Variants in NRP1 observed in about 807,000 individuals in gnomAD.
NRP1 encodes neuropilin 1, also known as neuropilin-1.
In NRP1, 35 loss-of-function variants were observed where a neutral mutation model predicts 106.7. That is an observed-to-expected ratio of 0.33 (90% CI 0.25 to 0.43). The LOEUF (loss-of-function observed/expected upper bound fraction) is 0.43, where lower values mean the gene tolerates loss of function less well. Among genes scored for constraint, NRP1 ranks in the 20% least tolerant of loss-of-function variants. The probability of loss-of-function intolerance (pLI) is 1.00; values close to 1 mark genes in which losing one functional copy is unlikely to be tolerated. For missense variants in NRP1, 1,024 were observed against 1,170.4 expected, an observed-to-expected ratio of 0.87 and a Z score of 1.83; for synonymous variants, 437 against 417.9, an observed-to-expected ratio of 1.05 and a Z score of -0.56.
At chr10:33,187,995 G>A (rs1836126050) in intron 13 of NRP1, among the ~76,000 whole-genome samples, 1 of 152,158 alleles carries the variant, frequency 6.6e-6, no homozygotes, top group Non-Finnish European at 1.5e-5. Flanking sequence ...GTTTGATACT[G>A]CAGGATGAAT....
At chr10:33,290,029 T>C (rs145797418) in intron 2 of NRP1, among the ~76,000 whole-genome samples, 140 of 152,324 alleles carry the variant, frequency 9.2e-4, no homozygotes, top group African/African-American at 3.3e-3. Context: ...CTTGGTCTCT[T>C]GCATAGCTTG....
intron 6 of NRP1, among the ~76,000 whole-genome samples, chr10:33,228,519 G>T (rs1475128569): frequency 6.6e-6 from 1 of 152,288 alleles, no homozygotes; most frequent in Admixed American, 6.5e-5. Context: ...GTGCCCATGG[G>T]CCACGAACAC....
rs760298219 is a variant in NRP1 at position 33,180,342 on chromosome 10, C to T, written c.2506G>A (p.Glu836Lys). The T allele has an allele frequency of 1.9e-6, 3 of 1,603,256 alleles. No homozygotes were observed. Among genetic ancestry groups the T allele is most frequent in the African/African-American group, 1.3e-5 (1 of 74,678 alleles). The change falls in exon 17 of 17, where the codon GAA becomes AAA. Residue 836 changes from glutamate to lysine, a missense_variant. By Grantham distance (56) the Glu-to-Lys change is moderately conservative. Coordinates refer to ENST00000374867, the MANE Select transcript of NRP1 (RefSeq NM_003873.7). ...GAGATGTTCTTGTCACCTTCTCCTT[C>T]ACCTTCGTATCCTGGCGTGCTCCCT... ...ETGSTPGYEGEGEGDKNISRK... is the reference protein window; with the variant it reads ...ETGSTPGYEGKGEGDKNISRK...
Position 33,290,087 on chromosome 10 carries a change from C to T in NRP1, c.249-19231G>A, listed in dbSNP as rs116082317. Among the ~76,000 whole-genome samples the T allele has an allele frequency of 5.1e-3, 772 of 152,260 alleles. 10 individuals carry two copies. Among genetic ancestry groups the T allele is most frequent in the African/African-American group, 0.017 (726 of 41,550 alleles). On this transcript the variant is annotated intron_variant, in intron 2 of 16. Transcript: ENST00000374867. ...TTCTTTTATTTCTCCCTTTTAGTATCTAACTTCCATTGAAATGGAATATAA... is the reference window on the plus strand; with the variant it reads ...TTCTTTTATTTCTCCCTTTTAGTATTTAACTTCCATTGAAATGGAATATAA...
At chr10:33,220,596 C>G (rs1839152536) in intron 8 of NRP1, among the ~76,000 whole-genome samples, 1 of 152,014 alleles carries the variant, frequency 6.6e-6, no homozygotes. Flanking sequence ...CATAGTCATG[C>G]AAGAAAACAA....
chr10:33,235,921 T>G (rs1182494480), intron 6 of NRP1, among the ~76,000 whole-genome samples: 1 of 152,244 alleles, frequency 6.6e-6, no homozygotes, highest in East Asian at 1.9e-4. Flanking sequence ...CAATTGCATG[T>G]TAACTTGCAG....
chr10:33,282,721 C>T (rs1429771611), intron 2 of NRP1, among the ~76,000 whole-genome samples: 3 of 151,244 alleles, frequency 2.0e-5, no homozygotes, highest in African/African-American at 4.8e-5. Flanking sequence ...GTGGCACTAA[C>T]ATTAAAAGAA....
chr10:33,184,719 G>A (rs1339521411), intron 15 of NRP1, among the ~76,000 whole-genome samples: 1 of 151,906 alleles, frequency 6.6e-6, no homozygotes, highest in Admixed American at 6.6e-5. Context: ...CTTTCTTTTT[G>A]CCCAATTTCT....
At chr10:33,334,098 T>G (rs1167708794) in intron 1 of NRP1, among the ~76,000 whole-genome samples, 3 of 152,170 alleles carry the variant, frequency 2.0e-5, no homozygotes, top group Non-Finnish European at 2.9e-5. Flanking sequence ...AGCCCAAGGA[T>G]CAACGTCAGG....
At chr10:33,331,951 G>C (rs1316626685) in intron 1 of NRP1, among the ~76,000 whole-genome samples, 1 of 152,098 alleles carries the variant, frequency 6.6e-6, no homozygotes, top group Non-Finnish European at 1.5e-5. Flanking sequence ...TTCAGTAATG[G>C]TAGATGTAGA....
intron 2 of NRP1, among the ~76,000 whole-genome samples, chr10:33,272,966 A>G (rs1340484473): frequency 6.6e-6 from 1 of 152,020 alleles, no homozygotes; most frequent in African/African-American, 2.4e-5. Context: ...CTCAGCTAAT[A>G]TAGTGCCGGT....
intron 2 of NRP1, among the ~76,000 whole-genome samples, chr10:33,329,947 G>A (rs1431294358): frequency 2.6e-5 from 4 of 152,262 alleles, no homozygotes; most frequent in East Asian, 3.9e-4. Context: ...ATATAATTTC[G>A]ACTGTCTCTA....
chr10:33,261,137 T>C (rs1051473033), intron 4 of NRP1, among the ~76,000 whole-genome samples: 1 of 152,176 alleles, frequency 6.6e-6, no homozygotes, highest in African/African-American at 2.4e-5. Context: ...CAGTTTTCTC[T>C]GGGAACAAGT....
At chr10:33,326,771 C>T (rs1052256927) in intron 2 of NRP1, among the ~76,000 whole-genome samples, 1 of 152,102 alleles carries the variant, frequency 6.6e-6, no homozygotes, top group Non-Finnish European at 1.5e-5. Flanking sequence ...ATTTTCCTAA[C>T]GAAGTATCCA....
intron 3 of NRP1, among the ~76,000 whole-genome samples, chr10:33,268,028 C>G (rs1265537525): frequency 1.3e-5 from 2 of 152,118 alleles, no homozygotes; most frequent in Non-Finnish European, 2.9e-5. Context: ...TTTCAGGAAA[C>G]TTGAAATTGC....
chr10:33,253,581 C>T (rs1842006635), intron 6 of NRP1, among the ~76,000 whole-genome samples: 1 of 152,110 alleles, frequency 6.6e-6, no homozygotes. Flanking sequence ...AAACAGAAAC[C>T]TATTATTGGA....
At chr10:33,317,512 A>G (rs141083831) in intron 2 of NRP1, among the ~76,000 whole-genome samples, 301 of 152,368 alleles carry the variant, frequency 2.0e-3, no homozygotes, top group African/African-American at 6.0e-3. Context: ...TACAAAATCC[A>G]TATCATTTTC....
At chr10:33,233,527 A>G (rs1840321744) in intron 6 of NRP1, among the ~76,000 whole-genome samples, 1 of 152,216 alleles carries the variant, frequency 6.6e-6, no homozygotes, top group Admixed American at 6.6e-5. Flanking sequence ...TGAAATGAAT[A>G]TCACTGCTTT....
intron 2 of NRP1, among the ~76,000 whole-genome samples, chr10:33,321,841 T>G (rs187759660): frequency 6.6e-6 from 1 of 152,168 alleles, no homozygotes; most frequent in Non-Finnish European, 1.5e-5. Context: ...GACTGGAAGC[T>G]CTCTCCGTGA....
Sources: gnomAD v4.1 joint callset for allele counts (sites outside exome capture counted in the v4.1 genomes callset) on GRCh38, gnomAD v4.1.1 for gene constraint, MANE v1.5 for transcripts, NCBI Gene and HGNC (gene_info 2026-07-23, HGNC 2026-07-21) for gene names.